The following MYO1E variants were observed in gnomAD, a reference collection of about 807,000 sequenced individuals.
MYO1E encodes the protein unconventional myosin-Ie.
A neutral mutation model predicts 151.1 loss-of-function variants in MYO1E; 68 were observed. The observed-to-expected ratio is 0.45, with a 90% CI of 0.37 to 0.55. MYO1E has a LOEUF of 0.55. MYO1E is among the 20% of genes least tolerant of loss of function. The pLI is 0.00. For missense variants in MYO1E, 1,363 were observed against 1,389.3 expected, an observed-to-expected ratio of 0.98 and a Z score of 0.30; for synonymous variants, 601 against 501.7, an observed-to-expected ratio of 1.20 and a Z score of -2.64.
chr15:59,153,793 TAG>T lies in MYO1E; in HGVS notation c.2879-4_2879-3del. On this transcript the variant is annotated splice_polypyrimidine_tract_variant and splice_region_variant and intron_variant, in intron 25 of 27. Transcript: ENST00000288235. The stretch of plus-strand genomic sequence containing the variant: ...TGATGACTCCGTTCTGATGGTATCC[TAG>T]AGAGAGGAACAGAGAAGGAAATAAG... The T allele has an allele frequency of 6.2e-7, 1 of 1,611,634 alleles. No individual in the cohort carries two copies. Among genetic ancestry groups the T allele is most frequent in the Non-Finnish European group, 8.5e-7 (1 of 1,177,750 alleles).
chr15:59,218,297 G>C (rs1447802568), intron 9 of MYO1E: 1 of 685,416 alleles, frequency 1.5e-6, no homozygotes, highest in Non-Finnish European at 2.7e-6. Flanking sequence ...ATTGTTTTAT[G>C]ACATGAGTCA....
In MYO1E at chr15:59,136,816, C is replaced by T; in HGVS notation, c.*564G>A. ...CTGATGGTCCCGGCAAAGTGTAAAC[C>T]AGTGCCCCTCTGTCGCCCTGGGCTC... On this transcript the variant is annotated 3_prime_UTR_variant, in exon 28 of 28. Transcript: ENST00000288235. The T allele has an allele frequency of 2.2e-6, 1 of 455,246 alleles. No individual in the cohort carries two copies. The highest frequency in any genetic ancestry group is 2.4e-5 in the Admixed American group (1 of 42,430). The allele number at this position is 455,246 out of a possible 1,614,324, so 28.2% of individuals were successfully genotyped here.
At chr15:59,166,724 A>G (rs76344577) in intron 22 of MYO1E, among the ~76,000 whole-genome samples, 1,555 of 152,280 alleles carry the variant, frequency 0.01, 24 homozygotes, top group African/African-American at 0.035. Flanking sequence ...CCACTCAGAG[A>G]AACCAGTGGC....
At chr15:59,248,822 A>G (rs1266523950) in intron 4 of MYO1E, among the ~76,000 whole-genome samples, 1 of 152,214 alleles carries the variant, frequency 6.6e-6, no homozygotes, top group Non-Finnish European at 1.5e-5. Context: ...GAGCTGATTT[A>G]GCAAATACGA....
At chr15:59,171,871 C>G in intron 22 of MYO1E, 26 bp downstream of exon 22, 1 of 1,614,070 alleles carries the variant, frequency 6.2e-7, no homozygotes, top group East Asian at 2.2e-5. Flanking sequence ...AAGGGGCAGT[C>G]CTGCCTCTGC....
chr15:59,237,502 G>A (rs1179337249), intron 4 of MYO1E, among the ~76,000 whole-genome samples: 1 of 152,124 alleles, frequency 6.6e-6, no homozygotes, highest in South Asian at 2.1e-4. Context: ...ACATGCTTAA[G>A]TCAGTCAGAT....
At position 59,202,315 on chromosome 15, in the gene MYO1E, A is replaced by G. The variant is rs749347014; in HGVS notation, c.1698+11T>C. The G allele has an allele frequency of 4.3e-6, 7 of 1,611,414 alleles. No individual in the cohort carries two copies. The highest frequency in any genetic ancestry group is 5.9e-6 in the Non-Finnish European group (7 of 1,177,566). On this transcript the variant is annotated intron_variant, in intron 16 of 27. Transcript: ENST00000288235. Reference sequence around the variant, plus strand: ...TATAAGAATCTATAAACTTCCTAAAATAGAACTAACCTTTATTTTGCTTCC... The same window carrying G: ...TATAAGAATCTATAAACTTCCTAAAGTAGAACTAACCTTTATTTTGCTTCC...
At chr15:59,241,796 G>C (rs1343040951) in intron 4 of MYO1E, among the ~76,000 whole-genome samples, 2 of 152,182 alleles carry the variant, frequency 1.3e-5, no homozygotes, top group Non-Finnish European at 2.9e-5. Flanking sequence ...GTGTGCTCCT[G>C]TGGTCCTAGT....
chr15:59,254,056 A>G (rs2080180625), intron 4 of MYO1E, among the ~76,000 whole-genome samples: 1 of 152,178 alleles, frequency 6.6e-6, no homozygotes. Context: ...AAGAATTTAT[A>G]GGAAAATCAT....
chr15:59,156,474 T>G (rs1451549613), intron 25 of MYO1E, among the ~76,000 whole-genome samples: 2 of 152,192 alleles, frequency 1.3e-5, no homozygotes, highest in East Asian at 3.9e-4. Flanking sequence ...CATGAGCCAC[T>G]GCGCCTGGCT....
intron 6 of MYO1E, among the ~76,000 whole-genome samples, chr15:59,229,254 T>C (rs1383168997): frequency 2.0e-5 from 3 of 152,140 alleles, no homozygotes; most frequent in Non-Finnish European, 2.9e-5. Context: ...GGATGCCCCT[T>C]AGAAACACCT....
intron 22 of MYO1E, among the ~76,000 whole-genome samples, chr15:59,163,756 C>T (rs895359667): frequency 2.9e-4 from 44 of 152,166 alleles, no homozygotes; most frequent in African/African-American, 1.0e-3. Flanking sequence ...CTTGAAGAAT[C>T]ATAAGCTCGG....
chr15:59,273,235 G>A (rs2080298478), intron 1 of MYO1E, among the ~76,000 whole-genome samples: 1 of 152,140 alleles, frequency 6.6e-6, no homozygotes, highest in Non-Finnish European at 1.5e-5. Context: ...CACCAGGGGC[G>A]GCCTCTGAAC....
chr15:59,273,910 C>G (rs1306355968), intron 1 of MYO1E, among the ~76,000 whole-genome samples: 1 of 151,904 alleles, frequency 6.6e-6, no homozygotes, highest in Admixed American at 6.6e-5. Flanking sequence ...GAGAAAAATT[C>G]TAAATAAGGG....
chr15:59,236,946 G>T (rs1418711753), intron 4 of MYO1E, among the ~76,000 whole-genome samples: 1 of 152,146 alleles, frequency 6.6e-6, no homozygotes, highest in African/African-American at 2.4e-5. Context: ...GCCCAATAAT[G>T]GGGGATATGA....
rs529759925 is a variant in MYO1E at position 59,136,672 on chromosome 15, G to C, written c.*708C>G. On this transcript the variant is annotated 3_prime_UTR_variant, in exon 28 of 28. Transcript: ENST00000288235. ...AGCTTGAAAAAAGATCCTTCTTGTA[G>C]TAAGTACAGCATTTAAACACAAACC... 1 of 456,388 alleles carries C rather than the reference G, an allele frequency of 2.2e-6. No individual in the cohort carries two copies. Among genetic ancestry groups the C allele is most frequent in the Admixed American group, 2.3e-5 (1 of 42,556 alleles). 28.3% of individuals were successfully genotyped at this position (456,388 alleles called of 1,614,324 possible).
intron 1 of MYO1E, among the ~76,000 whole-genome samples, chr15:59,300,321 C>T (rs926311271): frequency 3.9e-5 from 6 of 152,090 alleles, no homozygotes; most frequent in African/African-American, 1.4e-4. Context: ...CACAGACACA[C>T]ACACACACGC....
intron 18 of MYO1E, among the ~76,000 whole-genome samples, chr15:59,182,855 T>C (rs1398984473): frequency 2.0e-5 from 3 of 152,168 alleles, no homozygotes; most frequent in African/African-American, 7.2e-5. Flanking sequence ...GGCACCAGGA[T>C]TCATGGAAGA....
At chr15:59,155,057 A>T (rs2101394) in intron 25 of MYO1E, among the ~76,000 whole-genome samples, 31,406 of 151,918 alleles carry the variant, frequency 0.21, 3,957 homozygotes, top group African/African-American at 0.36. Flanking sequence ...GGGTCTGGGG[A>T]TGGGGAGGGT....
Sources: allele counts gnomAD v4.1 joint callset (sites outside exome capture counted in the v4.1 genomes callset), GRCh38; gene constraint gnomAD v4.1.1; transcripts MANE v1.5; gene names NCBI Gene and HGNC (gene_info 2026-07-23, HGNC 2026-07-21).